The following COL6A6 variants were observed in gnomAD, a reference collection of about 807,000 sequenced individuals.
COL6A6 encodes collagen type VI alpha 6 chain.
In COL6A6, 183 loss-of-function variants were observed where a neutral mutation model predicts 208.6. That is an observed-to-expected ratio of 0.88 (90% CI 0.78 to 0.99). The LOEUF is 0.99. Among genes scored for constraint, COL6A6 ranks in the 50% least tolerant of loss-of-function variants. The pLI, the probability that COL6A6 is intolerant of heterozygous loss-of-function variation, is 0.00. For missense variants in COL6A6, 2,816 were observed against 2,815.2 expected, an observed-to-expected ratio of 1.00 and a Z score of -0.01; for synonymous variants, 973 against 1,011.8, an observed-to-expected ratio of 0.96 and a Z score of 0.73.
chr3:130,567,224 TAAG>T lies in COL6A6; in HGVS notation c.1808_1810del (p.Arg603del). On this transcript the variant is annotated inframe_deletion, in exon 5 of 37. Transcript: ENST00000358511. ...CATGACTTTGATGCATTGAAAGACA[TAAG>T]AAACCAAGTTGTTCAAGAAATCTGT... The T allele has an allele frequency of 6.2e-7, 1 of 1,612,356 alleles. No individual in the cohort carries two copies. The highest frequency in any genetic ancestry group is 8.5e-7 in the Non-Finnish European group (1 of 1,179,348).
intron 36 of COL6A6, among the ~76,000 whole-genome samples, chr3:130,672,240 T>A (rs534427708): frequency 6.6e-6 from 1 of 152,334 alleles, no homozygotes. Context: ...GTCACATCCA[T>A]CTTTCCACAA....
intron 8 of COL6A6, among the ~76,000 whole-genome samples, chr3:130,578,554 A>G (rs2063346512): frequency 1.3e-5 from 2 of 152,184 alleles, no homozygotes; most frequent in African/African-American, 4.8e-5. Context: ...GTCATGCAGA[A>G]CATCACTAGA....
intron 5 of COL6A6, among the ~76,000 whole-genome samples, chr3:130,567,479 A>G (rs908545004): frequency 1.3e-5 from 2 of 152,252 alleles, no homozygotes; most frequent in African/African-American, 4.8e-5. Context: ...AATTTCCCTA[A>G]TAAGTATTAA....
At chr3:130,595,124 T>C (rs763361616) in intron 18 of COL6A6, among the ~76,000 whole-genome samples, 5 of 151,808 alleles carry the variant, frequency 3.3e-5, no homozygotes, top group Non-Finnish European at 7.4e-5. Flanking sequence ...GCAAAACTTA[T>C]GACATAAAGG....
chr3:130,535,804 T>G (rs2062211125), intron 1 of COL6A6, among the ~76,000 whole-genome samples: 1 of 152,212 alleles, frequency 6.6e-6, no homozygotes, highest in Non-Finnish European at 1.5e-5. Flanking sequence ...TTCTTATCTA[T>G]GATTCTTCTT....
chr3:130,565,055 TGAG>T lies in COL6A6; in HGVS notation c.727_729del (p.Glu243del), dbSNP rs1278690592. 2 of 1,613,888 alleles carry T rather than the reference TGAG, an allele frequency of 1.2e-6. No homozygotes were observed. Among genetic ancestry groups the T allele is most frequent in the East Asian group, 4.5e-5 (2 of 44,898 alleles). The stretch of plus-strand genomic sequence containing the variant: ...TATTGGATATGTCAATCAATGGAAG[TGAG>T]GAGAACTTTGACTATCTTAAAGGAT... On this transcript the variant is annotated inframe_deletion, in exon 4 of 37. Transcript: ENST00000358511.
At position 130,531,162 on chromosome 3, in the gene COL6A6, T is replaced by C. The variant is rs139069178; in HGVS notation, c.-32+13765T>C. Among the ~76,000 whole-genome samples the C allele has an allele frequency of 5.7e-4, 87 of 152,138 alleles. 1 individual carries two copies. In the East Asian group the frequency reaches 0.012, roughly 20 times the overall value. ...GAGAACCCTAATTCAATGTGCTAAA[T>C]ATGTGTAGGTCCAGGCTTTTCAACC... On this transcript the variant is annotated intron_variant, in intron 1 of 36. Coordinates refer to ENST00000358511, the MANE Select transcript of COL6A6 (RefSeq NM_001102608.3).
At chr3:130,660,921 T>C (rs1174857186) in intron 34 of COL6A6, among the ~76,000 whole-genome samples, 1 of 152,238 alleles carries the variant, frequency 6.6e-6, no homozygotes, top group Admixed American at 6.5e-5. Context: ...TTAAGAACCT[T>C]CCATTTCCAT....
chr3:130,562,666 T>C (rs547035109), intron 2 of COL6A6, among the ~76,000 whole-genome samples: 1 of 152,174 alleles, frequency 6.6e-6, no homozygotes, highest in Non-Finnish European at 1.5e-5. Flanking sequence ...AATTTTTATC[T>C]AGTTGACATA....
At chr3:130,601,476 C>A (rs1208094685) in intron 20 of COL6A6, among the ~76,000 whole-genome samples, 2 of 152,180 alleles carry the variant, frequency 1.3e-5, no homozygotes, top group East Asian at 3.8e-4. Context: ...ATTTGCTATT[C>A]ATTTCACTTT....
intron 23 of COL6A6, among the ~76,000 whole-genome samples, chr3:130,617,045 A>G (rs2064551185): frequency 6.6e-6 from 1 of 152,164 alleles, no homozygotes; most frequent in African/African-American, 2.4e-5. Flanking sequence ...TTTTGTGCTC[A>G]AAGAATGCAG....
At chr3:130,641,807 CTT>C in intron 29 of COL6A6, 93 bp downstream of exon 29, 1 of 629,102 alleles carries the variant, frequency 1.6e-6, no homozygotes, top group Non-Finnish European at 2.7e-6. Context: ...ATGTGCATGC[CTT>C]CTGTCTCTGC....
intron 36 of COL6A6, among the ~76,000 whole-genome samples, chr3:130,666,284 A>C (rs1370551516): frequency 6.6e-6 from 1 of 152,196 alleles, no homozygotes; most frequent in African/African-American, 2.4e-5. Flanking sequence ...AATATGTTGG[A>C]TGATATTATT....
At chr3:130,649,624 C>T (rs2065576117) in intron 33 of COL6A6, 62 bp downstream of exon 33, 6 of 1,442,254 alleles carry the variant, frequency 4.2e-6, no homozygotes, top group South Asian at 1.4e-5. Context: ...TCAGAAGCCC[C>T]TATACTACCT....
intron 33 of COL6A6, among the ~76,000 whole-genome samples, chr3:130,657,900 T>C (rs2065835700): frequency 6.6e-6 from 1 of 152,222 alleles, no homozygotes; most frequent in Non-Finnish European, 1.5e-5. Flanking sequence ...GATAAGGTCA[T>C]GCCTACAGTT....
intron 1 of COL6A6, among the ~76,000 whole-genome samples, chr3:130,536,443 A>G (rs555702308): frequency 1.3e-5 from 2 of 152,342 alleles, no homozygotes; most frequent in African/African-American, 4.8e-5. Flanking sequence ...ATGAGGAAAG[A>G]CCATAAGCAA....
chr3:130,638,697 G>C lies in COL6A6; in HGVS notation c.5091+2936G>C, dbSNP rs556958596. On this transcript the variant is annotated intron_variant, in intron 28 of 36. Transcript: ENST00000358511. ...ACCTTGAGATGTGATTGGATATTTT[G>C]GATTGGATATTCCAACAGTTCTGGG... Among the ~76,000 whole-genome samples, 37 of 119,162 alleles carry C rather than the reference G, an allele frequency of 3.1e-4. 1 individual carries two copies. In the South Asian group the frequency reaches 9.2e-3, roughly 30 times the overall value. The allele number at this position is 119,162 out of a possible 152,430, so 78.2% of individuals were successfully genotyped here.
chr3:130,647,135 C>T (rs915527644), intron 32 of COL6A6, among the ~76,000 whole-genome samples: 7 of 152,100 alleles, frequency 4.6e-5, no homozygotes, highest in African/African-American at 1.4e-4. Flanking sequence ...GTTGGGGAAC[C>T]GCACATGGCA....
chr3:130,598,521 G>A, intron 19 of COL6A6, 91 bp downstream of exon 19: 1 of 864,786 alleles, frequency 1.2e-6, no homozygotes, highest in Admixed American at 2.3e-5. Flanking sequence ...AAAAAAACTG[G>A]AATCAAAGTG....
Sources: allele counts gnomAD v4.1 joint callset (sites outside exome capture counted in the v4.1 genomes callset), GRCh38; gene constraint gnomAD v4.1.1; transcripts MANE v1.5; gene names NCBI Gene and HGNC (gene_info 2026-07-23, HGNC 2026-07-21).